CSMD1: variants seen among roughly 807,000 people sequenced by gnomAD.
CSMD1 encodes the protein CUB and Sushi multiple domains 1.
In CSMD1, 213 loss-of-function variants were observed where a neutral mutation model predicts 417.5. The ratio of observed to expected loss-of-function variants is 0.51; its 90% CI spans 0.46 to 0.57. The LOEUF (loss-of-function observed/expected upper bound fraction) is 0.57. CSMD1 is among the 20% of genes least tolerant of loss of function. The pLI is 0.00. For missense variants in CSMD1, 6,923 were observed against 4,529.7 expected (o/e 1.53, Z -15.17); for synonymous variants, 2,862 against 1,736.8 (o/e 1.65, Z -16.11).
intron 2 of CSMD1, among the ~76,000 whole-genome samples, chr8:4,463,284 G>C (rs1319705558): frequency 6.6e-6 from 1 of 152,174 alleles, no homozygotes; most frequent in Admixed American, 6.5e-5. Flanking sequence ...AAGACAGTTA[G>C]TAAGTGTTGG....
chr8:3,757,761 A>C (rs1420042151), intron 5 of CSMD1, among the ~76,000 whole-genome samples: 1 of 151,986 alleles, frequency 6.6e-6, no homozygotes, highest in Non-Finnish European at 1.5e-5. Flanking sequence ...AGGCAAGAGA[A>C]TTGCTTGAAC....
At chr8:4,269,608 T>A (rs531031071) in intron 3 of CSMD1, among the ~76,000 whole-genome samples, 9 of 152,322 alleles carry the variant, frequency 5.9e-5, no homozygotes, top group African/African-American at 2.2e-4. Flanking sequence ...CAGTTTAACC[T>A]CATTTTTTAT....
chr8:3,104,677 T>G (rs1380021452), intron 46 of CSMD1, among the ~76,000 whole-genome samples: 24 of 151,766 alleles, frequency 1.6e-4, no homozygotes, highest in Admixed American at 1.6e-3. Context: ...AGAATGAGAA[T>G]GCACAAAGTT....
chr8:3,451,797 G>GGGCTCTTT (rs1315983827), intron 12 of CSMD1, among the ~76,000 whole-genome samples: 15 of 152,052 alleles, frequency 9.9e-5, no homozygotes, highest in Admixed American at 3.9e-4. Flanking sequence ...TTGTCGATGC[G>GGGCTCTTT]GGCTCTTTTT....
At chr8:4,633,605 G>A (rs974396921) in intron 2 of CSMD1, among the ~76,000 whole-genome samples, 2 of 151,890 alleles carry the variant, frequency 1.3e-5, no homozygotes, top group African/African-American at 4.8e-5. Flanking sequence ...CACCCAGGCT[G>A]GAGTGCAGTG....
intron 3 of CSMD1, among the ~76,000 whole-genome samples, chr8:4,345,622 C>CA (rs1383910993): frequency 2.1e-4 from 32 of 151,906 alleles, no homozygotes; most frequent in Admixed American, 2.1e-3. Context: ...CAAAAAGTAC[C>CA]AAAATAATTA....
At chr8:4,237,327 AAAT>A (rs1196271401) in intron 3 of CSMD1, among the ~76,000 whole-genome samples, 1 of 152,076 alleles carries the variant, frequency 6.6e-6, no homozygotes, top group Non-Finnish European at 1.5e-5. Flanking sequence ...CTTGAACAGT[AAAT>A]AAACTAATCC....
chr8:3,523,632 G>A (rs941503751), intron 10 of CSMD1, among the ~76,000 whole-genome samples: 12 of 145,870 alleles, frequency 8.2e-5, no homozygotes, highest in Admixed American at 3.4e-4. Context: ...CATGCACACC[G>A]AGACACGTGC....
intron 49 of CSMD1, among the ~76,000 whole-genome samples, chr8:3,084,235 A>G (rs1814352826): frequency 2.0e-5 from 3 of 152,160 alleles, no homozygotes; most frequent in Admixed American, 1.3e-4. Context: ...AAAGATCTAC[A>G]TTCTAGAGCT....
At chr8:4,602,554 G>C (rs1333079273) in intron 2 of CSMD1, among the ~76,000 whole-genome samples, 1 of 152,198 alleles carries the variant, frequency 6.6e-6, no homozygotes, top group South Asian at 2.1e-4. Flanking sequence ...TATAGTCATT[G>C]AGACAAGATG....
At chr8:4,094,693 C>A (rs1416243456) in intron 3 of CSMD1, among the ~76,000 whole-genome samples, 1 of 152,082 alleles carries the variant, frequency 6.6e-6, no homozygotes, top group African/African-American at 2.4e-5. Flanking sequence ...GGAGAGGAAA[C>A]GCCGGCTTCT....
At chr8:3,041,332 G>C (rs923874438) in intron 50 of CSMD1, among the ~76,000 whole-genome samples, 4 of 152,058 alleles carry the variant, frequency 2.6e-5, no homozygotes, top group African/African-American at 4.8e-5. Context: ...TATAGAACAA[G>C]CAAATTCTTC....
intron 25 of CSMD1, among the ~76,000 whole-genome samples, chr8:3,298,520 C>A (rs1257123443): frequency 2.6e-5 from 4 of 152,160 alleles, no homozygotes; most frequent in Non-Finnish European, 5.9e-5. Flanking sequence ...ATGGAATGAT[C>A]GTGGCTCACT....
chr8:4,912,791 T>A (rs1805782345), intron 1 of CSMD1, among the ~76,000 whole-genome samples: 2 of 121,670 alleles, frequency 1.6e-5, no homozygotes, highest in Admixed American at 8.3e-5. Flanking sequence ...CCAGCTATTT[T>A]TTTTGGAGGG....
chr8:4,015,316 G>C (rs1365441921), intron 4 of CSMD1, among the ~76,000 whole-genome samples: 3 of 152,104 alleles, frequency 2.0e-5, no homozygotes, highest in African/African-American at 4.8e-5. Flanking sequence ...TAAAAAGCAT[G>C]ACTTCTCTTC....
intron 2 of CSMD1, among the ~76,000 whole-genome samples, chr8:4,564,772 G>C (rs765732179): frequency 2.0e-5 from 3 of 152,130 alleles, no homozygotes; most frequent in Non-Finnish European, 4.4e-5. Context: ...CATCAAAAAA[G>C]AAATCACTAG....
At chr8:3,197,044 A>C (rs573613429) in intron 33 of CSMD1, among the ~76,000 whole-genome samples, 12 of 152,310 alleles carry the variant, frequency 7.9e-5, no homozygotes, top group Non-Finnish European at 8.8e-5. Context: ...GAAGTGTGGA[A>C]AACACACAAA....
chr8:3,295,242 A>G (rs1449025722), intron 25 of CSMD1, among the ~76,000 whole-genome samples: 1 of 152,006 alleles, frequency 6.6e-6, no homozygotes, highest in East Asian at 1.9e-4. Flanking sequence ...CTCCTGCCTC[A>G]GCCTCCCGAG....
chr8:3,536,165 G>A (rs749597924), intron 10 of CSMD1, among the ~76,000 whole-genome samples: 2 of 152,214 alleles, frequency 1.3e-5, no homozygotes, highest in Non-Finnish European at 2.9e-5. Flanking sequence ...ACATAGGAGA[G>A]CACGGGGCTT....
Sources: gnomAD v4.1 joint callset for allele counts (sites outside exome capture counted in the v4.1 genomes callset) on GRCh38, gnomAD v4.1.1 for gene constraint, MANE v1.5 for transcripts, NCBI Gene and HGNC (gene_info 2026-07-23, HGNC 2026-07-21) for gene names.